Variants in RBFOX1 observed in about 807,000 individuals in gnomAD.
RBFOX1 encodes RNA binding fox-1 homolog 1.
In RBFOX1, 8 loss-of-function variants were observed where a neutral mutation model predicts 57.7. The observed-to-expected ratio is 0.14, with a 90% CI of 0.08 to 0.25. The LOEUF (loss-of-function observed/expected upper bound fraction) is 0.25. Ranked by LOEUF, RBFOX1 falls within the 10% of genes least tolerant of loss-of-function variation. The probability of loss-of-function intolerance (pLI) is 1.00; values close to 1 mark genes in which losing one functional copy is unlikely to be tolerated. For missense variants in RBFOX1, 611 were observed against 548.5 expected, an observed-to-expected ratio of 1.11 and a Z score of -1.14; for synonymous variants, 326 against 222.4, an observed-to-expected ratio of 1.47 and a Z score of -4.15.
chr16:6,095,809 C>A (rs893100049), intron 1 of RBFOX1, among the ~76,000 whole-genome samples: 1 of 152,068 alleles, frequency 6.6e-6, no homozygotes, highest in East Asian at 1.9e-4. Context: ...GGGATCGTTA[C>A]CAACAGTGCC....
At chr16:5,927,845 C>T (rs1312298928) in intron 4 of RBFOX1, among the ~76,000 whole-genome samples, 1 of 152,022 alleles carries the variant, frequency 6.6e-6, no homozygotes, top group African/African-American at 2.4e-5. Context: ...ATAAGCTAGG[C>T]ACAGAAACAC....
At chr16:7,105,944 T>C (rs1048504904) in intron 4 of RBFOX1, among the ~76,000 whole-genome samples, 2 of 152,128 alleles carry the variant, frequency 1.3e-5, no homozygotes, top group African/African-American at 4.8e-5. Context: ...AAAGCAATTG[T>C]TCTTTGTCCA....
intron 4 of RBFOX1, among the ~76,000 whole-genome samples, chr16:7,063,906 C>G (rs2055249751): frequency 1.3e-5 from 2 of 152,120 alleles, no homozygotes; most frequent in African/African-American, 4.8e-5. Context: ...TATCAGAGAC[C>G]TCATTTTATA....
chr16:6,287,603 T>G (rs1252130114), intron 1 of RBFOX1, among the ~76,000 whole-genome samples: 1 of 152,162 alleles, frequency 6.6e-6, no homozygotes, highest in Non-Finnish European at 1.5e-5. Flanking sequence ...AAACATTTGA[T>G]GAATGACTAA....
chr16:6,094,731 C>A (rs2096223137), intron 1 of RBFOX1, among the ~76,000 whole-genome samples: 1 of 152,168 alleles, frequency 6.6e-6, no homozygotes, highest in South Asian at 2.1e-4. Context: ...ATGACAGTAT[C>A]AACCTCATAG....
At chr16:6,278,035 A>C (rs573011870) in intron 1 of RBFOX1, among the ~76,000 whole-genome samples, 1 of 152,214 alleles carries the variant, frequency 6.6e-6, no homozygotes, top group Admixed American at 6.5e-5. Flanking sequence ...AAGTTCCCTT[A>C]CTTTGTAAGT....
intron 4 of RBFOX1, among the ~76,000 whole-genome samples, chr16:7,479,558 G>T (rs1418715982): frequency 3.3e-5 from 5 of 152,182 alleles, no homozygotes; most frequent in Non-Finnish European, 7.3e-5. Flanking sequence ...CCCGGGTGAA[G>T]GTAGCTGGTT....
chr16:6,852,951 T>C (rs56230125), intron 3 of RBFOX1, among the ~76,000 whole-genome samples: 1 of 152,182 alleles, frequency 6.6e-6, no homozygotes, highest in South Asian at 2.1e-4. Flanking sequence ...TGGGACTGTG[T>C]TGATGACATC....
rs141623209 is a variant in RBFOX1, at chr16:6,773,465, G to C, written c.-16+118815G>C. 4.7e-3 allele frequency among the ~76,000 whole-genome samples: 700 copies of C among 148,256 alleles called. 5 individuals are homozygous for C. The highest frequency in any genetic ancestry group is 0.017 in the African/African-American group (670 of 40,050). On this transcript the variant is annotated intron_variant, in intron 3 of 15. Transcript: ENST00000550418. ...TGGGGGGCATAGGGTGCAATTGTGTGTGTATGTGTGGGTGTGGGGTATATT... is the reference window on the plus strand; with the variant it reads ...TGGGGGGCATAGGGTGCAATTGTGTCTGTATGTGTGGGTGTGGGGTATATT...
Position 7,689,471 on chromosome 16 carries a change from C to A in RBFOX1, c.995+12633C>A, listed in dbSNP as rs2076858471. Among the ~76,000 whole-genome samples the A allele has an allele frequency of 3.3e-5, 5 of 152,048 alleles. No individual in the cohort carries two copies. The South Asian group carries it at 1.0e-3, about 31-fold the overall frequency. On this transcript the variant is annotated intron_variant, in intron 14 of 15. Transcript: ENST00000550418. ...ACCTACAGAACAGTGAAAATGAGTG[C>A]CTGTGGAGCTGATCAACAGGCAGGC...
chr16:6,772,623 G>T (rs2078507284), intron 3 of RBFOX1, among the ~76,000 whole-genome samples: 1 of 149,634 alleles, frequency 6.7e-6, no homozygotes, highest in Non-Finnish European at 1.5e-5. Flanking sequence ...GTATGTGTAT[G>T]TGTGAGTGTG....
At chr16:6,848,526 T>C (rs957645916) in intron 3 of RBFOX1, among the ~76,000 whole-genome samples, 2 of 151,216 alleles carry the variant, frequency 1.3e-5, no homozygotes, top group Admixed American at 6.6e-5. Flanking sequence ...CAAATCTAAA[T>C]AGCTAGATGG....
At chr16:7,169,200 T>C (rs1426185140) in intron 4 of RBFOX1, among the ~76,000 whole-genome samples, 2 of 152,212 alleles carry the variant, frequency 1.3e-5, no homozygotes, top group East Asian at 1.9e-4. Context: ...CTCATATTTA[T>C]ATGAACAGGA....
intron 4 of RBFOX1, among the ~76,000 whole-genome samples, chr16:7,268,874 T>C (rs902027273): frequency 6.6e-6 from 1 of 151,446 alleles, no homozygotes; most frequent in Non-Finnish European, 1.5e-5. Context: ...CCATCTCTAC[T>C]AAAAATACAA....
chr16:7,624,804 C>G (rs1206262405), intron 10 of RBFOX1, among the ~76,000 whole-genome samples: 1 of 152,140 alleles, frequency 6.6e-6, no homozygotes, highest in Non-Finnish European at 1.5e-5. Flanking sequence ...CTCTGCACCA[C>G]CACACAGTAG....
At chr16:7,218,730 GT>G (rs33997681) in intron 4 of RBFOX1, among the ~76,000 whole-genome samples, 58,536 of 140,662 alleles carry the variant, frequency 0.42, 12,345 homozygotes, top group East Asian at 0.69. Flanking sequence ...ATCTTAAAGT[GT>G]TTTTTTTTTT....
intron 3 of RBFOX1, among the ~76,000 whole-genome samples, chr16:5,695,498 A>G (rs1487190356): frequency 3.3e-5 from 5 of 152,216 alleles, no homozygotes; most frequent in African/African-American, 1.2e-4. Flanking sequence ...CCACTAGGTG[A>G]AAGGTGGATG....
At chr16:6,423,117 C>T (rs770678317) in intron 2 of RBFOX1, among the ~76,000 whole-genome samples, 1 of 152,146 alleles carries the variant, frequency 6.6e-6, no homozygotes, top group Non-Finnish European at 1.5e-5. Flanking sequence ...CAGAACTCTC[C>T]TTTCATCATT....
At chr16:5,606,405 C>T (rs1350126532) in intron 3 of RBFOX1, among the ~76,000 whole-genome samples, 1 of 152,102 alleles carries the variant, frequency 6.6e-6, no homozygotes, top group East Asian at 1.9e-4. Context: ...TCCTAAGTCA[C>T]TCTGGTTGTG....
Sources: allele counts gnomAD v4.1 joint callset (sites outside exome capture counted in the v4.1 genomes callset), GRCh38; gene constraint gnomAD v4.1.1; transcripts MANE v1.5; gene names NCBI Gene and HGNC (gene_info 2026-07-23, HGNC 2026-07-21).